GSE1: variants seen among roughly 807,000 people sequenced by gnomAD.
GSE1 encodes the protein Gse1 coiled-coil protein, also known as genetic suppressor element 1.
GSE1 carries 32 observed loss-of-function variants against 112.6 expected under a neutral mutation model. That is an observed-to-expected ratio of 0.28 (90% CI 0.21 to 0.38). The LOEUF (loss-of-function observed/expected upper bound fraction) is 0.38. Ranked by LOEUF, GSE1 falls within the 10% of genes least tolerant of loss-of-function variation. The pLI is 1.00. For synonymous variants in GSE1, 1,115 were observed against 735.6 expected (o/e 1.52, Z -8.35); for missense variants, 2,348 against 1,699.2 (o/e 1.38, Z -6.71).
chr16:85,205,200 G>T (rs940008811), intron 1 of GSE1, among the ~76,000 whole-genome samples: 3 of 152,190 alleles, frequency 2.0e-5, no homozygotes, highest in African/African-American at 4.8e-5. Flanking sequence ...CATGATCTCG[G>T]CTCACTGCAA....
intron 2 of GSE1, among the ~76,000 whole-genome samples, chr16:85,542,281 T>G (rs886741367): frequency 1.3e-5 from 2 of 152,206 alleles, no homozygotes; most frequent in Non-Finnish European, 2.9e-5. Context: ...GTTCTGTTTC[T>G]TAAATGTCAG....
intron 1 of GSE1, among the ~76,000 whole-genome samples, chr16:85,182,523 C>G (rs752723611): frequency 6.6e-6 from 1 of 152,190 alleles, no homozygotes; most frequent in Non-Finnish European, 1.5e-5. Context: ...CTTCCTGATT[C>G]GTAAGTGTTT....
Position 85,676,116 on chromosome 16 carries a change from A to G in GSE1, c.*3577A>G, listed in dbSNP as rs2053660489. The stretch of plus-strand genomic sequence containing the variant: ...TTTGAATTAATTGTATTGTAATATT[A>G]TTTGTTGAATGTAGTAATTAGGTAT... On this transcript the variant is annotated 3_prime_UTR_variant, in exon 16 of 16. Coordinates refer to ENST00000253458, the MANE Select transcript of GSE1 (RefSeq NM_014615.5). The G allele has an allele frequency of 6.5e-6, 1 of 152,682 alleles. No homozygotes were observed. Among genetic ancestry groups the G allele is most frequent in the Non-Finnish European group, 1.5e-5 (1 of 68,050 alleles). The allele number at this position is 152,682 out of a possible 1,614,324, so 9.5% of individuals were successfully genotyped here.
rs551997386 is a variant in GSE1 at position 85,572,211 on chromosome 16, C to T, written c.37+15848C>T. ...TACTACACACACAACACACACAGCA[C>T]GCACACACCACATACCACACGTACA... On this transcript the variant is annotated intron_variant, in intron 1 of 2. Transcript: ENST00000635906. 3.0e-4 allele frequency among the ~76,000 whole-genome samples: 45 copies of T among 148,648 alleles called. No homozygotes were observed. In the East Asian group the frequency reaches 4.6e-3, roughly 15 times the overall value.
At chr16:85,639,888 G>A (rs931859830) in intron 2 of GSE1, among the ~76,000 whole-genome samples, 3 of 151,540 alleles carry the variant, frequency 2.0e-5, no homozygotes, top group African/African-American at 4.8e-5. Context: ...GGCCGGGGGC[G>A]GAGGTACGGG....
At chr16:85,227,046 A>G (rs1332890176) in intron 1 of GSE1, among the ~76,000 whole-genome samples, 2 of 144,286 alleles carry the variant, frequency 1.4e-5, no homozygotes, top group African/African-American at 5.0e-5. Context: ...TTTTCCTTTC[A>G]TCTTCCATCT....
rs1226066470 is a variant in GSE1 at position 85,672,493 on chromosome 16, C to CTGCAA, written c.3613_3617dup (p.His1206GlnfsTer9). The CTGCAA allele has an allele frequency of 6.2e-7, 1 of 1,611,450 alleles. No homozygotes were observed. Among genetic ancestry groups the CTGCAA allele is most frequent in the East Asian group, 2.2e-5 (1 of 44,858 alleles). ...CACTTACGAAAGTGCCTTGCCTTGC[C>CTGCAA]TGCAATGCACTGGCCTAGGGGCTAC... On this transcript the variant is annotated frameshift_variant, in exon 16 of 16. Coordinates refer to ENST00000253458, the MANE Select transcript of GSE1 (RefSeq NM_014615.5). LOFTEE classifies it high-confidence loss of function.
chr16:85,331,609 GTA>G (rs545154874), intron 1 of GSE1, among the ~76,000 whole-genome samples: 1 of 80,274 alleles, frequency 1.2e-5, no homozygotes, highest in South Asian at 4.3e-4. Flanking sequence ...GTGTATTTGT[GTA>G]TATATGTGTG....
At chr16:85,510,147 G>A (rs535074830) in intron 2 of GSE1, among the ~76,000 whole-genome samples, 3 of 152,278 alleles carry the variant, frequency 2.0e-5, no homozygotes, top group East Asian at 1.9e-4. Flanking sequence ...CCTGCCCCTC[G>A]GCTCTCCCAT....
Position 85,675,809 on chromosome 16 carries a change from T to C in GSE1, c.*3270T>C, listed in dbSNP as rs1429366739. On this transcript the variant is annotated 3_prime_UTR_variant, in exon 16 of 16. Coordinates refer to ENST00000253458, the MANE Select transcript of GSE1 (RefSeq NM_014615.5). ...CCTCTTTAAAGTGTATATTAGCCACTTAGCAATCTCTATATTCTTTCAAGT... is the reference window on the plus strand; with the variant it reads ...CCTCTTTAAAGTGTATATTAGCCACCTAGCAATCTCTATATTCTTTCAAGT... The C allele has an allele frequency of 1.3e-5, 2 of 152,248 alleles. No homozygotes were observed. Among genetic ancestry groups the C allele is most frequent in the Admixed American group, 1.3e-4 (2 of 15,288 alleles). The allele number at this position is 152,248 out of a possible 1,614,324, so 9.4% of individuals were successfully genotyped here. A position where few individuals can be genotyped will look rare whatever the true frequency, so the allele number is the denominator to read the frequency against.
intron 2 of GSE1, among the ~76,000 whole-genome samples, chr16:85,426,405 G>C (rs897153813): frequency 7.7e-5 from 11 of 142,412 alleles, no homozygotes; most frequent in African/African-American, 2.8e-4. Context: ...AATGAATGTG[G>C]ATGGATGGAT....
At chr16:85,530,310 G>C (rs1254608162) in intron 2 of GSE1, among the ~76,000 whole-genome samples, 1 of 152,232 alleles carries the variant, frequency 6.6e-6, no homozygotes, top group Non-Finnish European at 1.5e-5. Flanking sequence ...AATTATGTTA[G>C]CCAGAGGCAG....
intron 1 of GSE1, among the ~76,000 whole-genome samples, chr16:85,176,809 G>C (rs548257110): frequency 5.3e-5 from 8 of 152,214 alleles, no homozygotes; most frequent in Non-Finnish European, 8.8e-5. Flanking sequence ...AGCGTCTGTC[G>C]TCACCCACCC....
At chr16:85,171,747 C>T in exon 1 of GSE1, 2 of 985,596 alleles carry the variant, frequency 2.0e-6, no homozygotes, top group Non-Finnish European at 2.4e-6. Flanking sequence ...TGTGTGCGGG[C>T]CAAGGGCTCA....
At chr16:85,608,078 C>G (rs1420346901), upstream of GSE1, among the ~76,000 whole-genome samples, 1 of 152,140 alleles carries the variant, frequency 6.6e-6, no homozygotes, top group African/African-American at 2.4e-5. Context: ...ATTCCAGAGG[C>G]AGGGATGGGA....
At chr16:85,408,610 T>A (rs181808788) in intron 2 of GSE1, among the ~76,000 whole-genome samples, 7 of 12,354 alleles carry the variant, frequency 5.7e-4, no homozygotes, top group Admixed American at 2.0e-3. Context: ...TCACTGTTAC[T>A]CTCAGGCCCC....
intron 1 of GSE1, among the ~76,000 whole-genome samples, chr16:85,175,218 C>T (rs9939881): frequency 0.023 from 3,522 of 152,260 alleles, 117 homozygotes; most frequent in African/African-American, 0.08. Context: ...AGCTGGGCCC[C>T]GGGTCCCCAG....
At chr16:85,640,049 C>T (rs1003554197) in intron 2 of GSE1, among the ~76,000 whole-genome samples, 1 of 152,176 alleles carries the variant, frequency 6.6e-6, no homozygotes, top group Non-Finnish European at 1.5e-5. Flanking sequence ...CAGAGCCTTC[C>T]CAGGTGGGCT....
At chr16:85,234,133 C>G (rs1178562130) in intron 1 of GSE1, among the ~76,000 whole-genome samples, 1 of 152,174 alleles carries the variant, frequency 6.6e-6, no homozygotes, top group Non-Finnish European at 1.5e-5. Flanking sequence ...AAGAACCCAC[C>G]TAGTGCTGCA....
Sources: allele counts gnomAD v4.1 joint callset (sites outside exome capture counted in the v4.1 genomes callset), GRCh38; gene constraint gnomAD v4.1.1; transcripts MANE v1.5; gene names NCBI Gene and HGNC (gene_info 2026-07-23, HGNC 2026-07-21).